The following AMPD3 variants were observed in gnomAD, a reference collection of about 807,000 sequenced individuals.
The protein encoded by AMPD3 is adenosine monophosphate deaminase 3.
AMPD3 carries 57 observed loss-of-function variants against 82.3 expected under a neutral mutation model. The ratio of observed to expected loss-of-function variants is 0.69; its 90% CI spans 0.56 to 0.86. AMPD3 has a LOEUF of 0.86. AMPD3 is among the 40% of genes least tolerant of loss of function. The probability of loss-of-function intolerance (pLI) is 0.00; values close to 1 mark genes in which losing one functional copy is unlikely to be tolerated. For missense variants in AMPD3, 870 were observed against 1,003.8 expected, an observed-to-expected ratio of 0.87 and a Z score of 1.80; for synonymous variants, 381 against 394.7, an observed-to-expected ratio of 0.97 and a Z score of 0.41.
intron 13 of AMPD3, chr11:10,504,243 T>A (rs1849656202): frequency 1.0e-6 from 1 of 984,794 alleles, no homozygotes; most frequent in African/African-American, 1.7e-5. Context: ...GTGGCATGAC[T>A]AGAGGGCTTG....
At chr11:10,491,921 G>T (rs1849250654) in intron 6 of AMPD3, among the ~76,000 whole-genome samples, 1 of 152,134 alleles carries the variant, frequency 6.6e-6, no homozygotes, top group Non-Finnish European at 1.5e-5. Context: ...TTTGGGAATT[G>T]GTATAAGGAA....
chr11:10,497,360 T>C (rs1175264217), intron 10 of AMPD3, among the ~76,000 whole-genome samples: 1 of 151,862 alleles, frequency 6.6e-6, no homozygotes, highest in Admixed American at 6.6e-5. Flanking sequence ...CCTCACACCA[T>C]GTGTGATTAA....
At chr11:10,485,199 AAC>A (rs1380772326) in intron 5 of AMPD3, among the ~76,000 whole-genome samples, 160 bp downstream of exon 5, 2 of 152,104 alleles carry the variant, frequency 1.3e-5, no homozygotes, top group African/African-American at 4.8e-5. Flanking sequence ...GGGTTTCTGC[AAC>A]AGTTTTCCTT....
intron 5 of AMPD3, chr11:10,486,874 C>T: frequency 2.0e-6 from 2 of 985,406 alleles, no homozygotes; most frequent in South Asian, 4.7e-5. Context: ...AGGCCCTTTC[C>T]CAGGCATAAA....
chr11:10,455,115 C>T (rs951898760), upstream of AMPD3: 9 of 984,842 alleles, frequency 9.1e-6, no homozygotes, highest in Admixed American at 1.2e-4. Flanking sequence ...GCTAGCCTCC[C>T]GGTAAACAAC....
chr11:10,470,699 C>T (rs374012511), intron 2 of AMPD3, among the ~76,000 whole-genome samples: 2 of 152,304 alleles, frequency 1.3e-5, no homozygotes, highest in East Asian at 3.9e-4. Flanking sequence ...CATGAGTGAA[C>T]TCCCATTCAC....
At chr11:10,496,549 A>G (rs1849406234) in intron 9 of AMPD3, 2 of 985,252 alleles carry the variant, frequency 2.0e-6, no homozygotes, top group African/African-American at 3.5e-5. Flanking sequence ...CCAGAATGCC[A>G]CCATCCCATT....
At chr11:10,473,603 G>A (rs144523777) in intron 2 of AMPD3, 2 of 985,398 alleles carry the variant, frequency 2.0e-6, no homozygotes, top group African/African-American at 1.7e-5. Flanking sequence ...CAGGATGCTG[G>A]TCATCTGGCT....
At chr11:10,486,401 C>T (rs370246826) in intron 5 of AMPD3, among the ~76,000 whole-genome samples, 10 of 152,250 alleles carry the variant, frequency 6.6e-5, no homozygotes, top group Non-Finnish European at 1.0e-4. Flanking sequence ...AGGTTCCATG[C>T]GGCTGTGGAT....
chr11:10,456,515 C>G lies in AMPD3; in HGVS notation c.-6+1067C>G. The G allele has an allele frequency of 6.2e-7, 1 of 1,608,614 alleles. No homozygotes were observed. The highest frequency in any genetic ancestry group is 8.5e-7 in the Non-Finnish European group (1 of 1,177,422). On this transcript the variant is annotated intron_variant, in intron 1 of 14. Coordinates refer to ENST00000396553, the MANE Select transcript of AMPD3 (RefSeq NM_001025389.2). This position sits in a 1 kb window ranked among gnomAD's most constrained non-coding sequence, Gnocchi z 4.3. ...CTTCCTTTCTGGAGGGACTGTGGCA[C>G]CATGAAAAGTTACTGTTTGTTGAAA...
chr11:10,488,995 G>A (rs916939916), intron 6 of AMPD3, among the ~76,000 whole-genome samples: 6 of 152,302 alleles, frequency 3.9e-5, no homozygotes, highest in Non-Finnish European at 7.4e-5. Flanking sequence ...CCACTTGGAT[G>A]GGATCAAGAG....
chr11:10,464,976 T>C (rs1435846553), intron 2 of AMPD3, among the ~76,000 whole-genome samples: 1 of 152,202 alleles, frequency 6.6e-6, no homozygotes, highest in Non-Finnish European at 1.5e-5. Flanking sequence ...GTCAGACCTA[T>C]TGGGTTCAAG....
At chr11:10,493,850 A>T in intron 7 of AMPD3, 1 of 491,532 alleles carries the variant, frequency 2.0e-6, no homozygotes, top group East Asian at 3.8e-5. Flanking sequence ...AAATGGTGAC[A>T]GCCATGTGCC....
rs61388455 is a variant in AMPD3 at position 10,493,476 on chromosome 11, G to A, written c.1067G>A (p.Arg356Gln). 1.0e-3 allele frequency: 1,640 copies of A among 1,614,162 alleles called. 11 individuals carry two copies. The African/African-American group carries it at 0.019, about 18-fold the overall frequency. Residue 356 changes from arginine to glutamine, a missense_variant, in exon 7 of 15, where the codon CGG becomes CAG. By Grantham distance (43) the Arg-to-Gln change is conservative. Transcript: ENST00000396553. ...AEKRGRKITLRQVFDGLHMDP... is the reference protein window; with the variant it reads ...AEKRGRKITLQQVFDGLHMDP... Reference sequence around the variant, plus strand: ...AAGCGGGGCCGGAAGATCACCCTGCGGCAGGTGTTTGACGGCCTGCACATG... The same window carrying A: ...AAGCGGGGCCGGAAGATCACCCTGCAGCAGGTGTTTGACGGCCTGCACATG...
intron 14 of AMPD3, chr11:10,505,339 T>C: frequency 1.0e-6 from 1 of 984,830 alleles, no homozygotes; most frequent in Non-Finnish European, 1.2e-6. Flanking sequence ...GTGCCTTGGA[T>C]TGGCCCTCCC....
At chr11:10,500,806 G>T (rs547730837) in intron 11 of AMPD3, 2 of 985,402 alleles carry the variant, frequency 2.0e-6, no homozygotes, top group Non-Finnish European at 2.4e-6. Flanking sequence ...GCACACAGAC[G>T]AGGCACACGT....
intron 1 of AMPD3, among the ~76,000 whole-genome samples, chr11:10,455,650 C>T (rs1848071271): frequency 6.6e-6 from 1 of 152,156 alleles, no homozygotes; most frequent in Non-Finnish European, 1.5e-5. Context: ...TGTCCTCTGT[C>T]CGCCTCTGTG....
chr11:10,471,734 A>T (rs1848597149), intron 2 of AMPD3, among the ~76,000 whole-genome samples: 1 of 152,274 alleles, frequency 6.6e-6, no homozygotes, highest in Non-Finnish European at 1.5e-5. Flanking sequence ...ATGCAAATGA[A>T]AACCACAATG....
At chr11:10,498,271 G>A (rs1222764133) in intron 10 of AMPD3, 1 of 152,444 alleles carries the variant, frequency 6.6e-6, no homozygotes, top group Non-Finnish European at 1.5e-5. Flanking sequence ...GAGGCACTGG[G>A]GGGAGTCTAG....
Sources: allele counts gnomAD v4.1 joint callset (sites outside exome capture counted in the v4.1 genomes callset), GRCh38; gene constraint gnomAD v4.1.1; non-coding constraint Gnocchi (gnomAD v3.1); transcripts MANE v1.5; gene names NCBI Gene and HGNC (gene_info 2026-07-23, HGNC 2026-07-21).